The following HSD17B11 variants were observed in gnomAD, a reference collection of about 807,000 sequenced individuals.
The protein encoded by HSD17B11 is hydroxysteroid 17-beta dehydrogenase 11.
HSD17B11 carries 22 observed loss-of-function variants against 27.8 expected under a neutral mutation model. That is an observed-to-expected ratio of 0.79 (90% CI 0.56 to 1.13). The LOEUF is 1.13. Among genes scored for constraint, HSD17B11 ranks in the 50% most tolerant of loss-of-function variants. The probability of loss-of-function intolerance (pLI) is 0.00; values close to 1 mark genes in which losing one functional copy is unlikely to be tolerated. For synonymous variants in HSD17B11, 117 were observed against 132.8 expected, an observed-to-expected ratio of 0.88 and a Z score of 0.82; for missense variants, 314 against 351.1, an observed-to-expected ratio of 0.89 and a Z score of 0.84.
chr4:87,338,195 C>T (rs1460323135), intron 6 of HSD17B11, among the ~76,000 whole-genome samples: 4 of 152,080 alleles, frequency 2.6e-5, no homozygotes, highest in Admixed American at 6.5e-5. Context: ...CCAGCCTGGG[C>T]GACAGAGCGA....
chr4:87,373,189 A>C, intron 3 of HSD17B11: 1 of 173,634 alleles, frequency 5.8e-6, no homozygotes, highest in Admixed American at 6.1e-5. Flanking sequence ...AAAATGCAAA[A>C]ATTAGCTGGT....
At chr4:87,354,677 T>C (rs1166008672) in intron 5 of HSD17B11, among the ~76,000 whole-genome samples, 3 of 149,976 alleles carry the variant, frequency 2.0e-5, no homozygotes, top group Non-Finnish European at 3.0e-5. Context: ...AGGAAAAAAA[T>C]TAGAATCTTC....
intron 1 of HSD17B11, among the ~76,000 whole-genome samples, chr4:87,386,277 A>C (rs1010704313): frequency 8.9e-4 from 135 of 150,988 alleles, no homozygotes; most frequent in Non-Finnish European, 5.6e-4. Context: ...ATCTTAGCTC[A>C]CTGTAGCCTC....
chr4:87,341,462 G>A (rs985593444), intron 5 of HSD17B11, among the ~76,000 whole-genome samples: 1 of 152,096 alleles, frequency 6.6e-6, no homozygotes, highest in Non-Finnish European at 1.5e-5. Flanking sequence ...AGGAGCCACT[G>A]CAATTAGGTT....
intron 3 of HSD17B11, among the ~76,000 whole-genome samples, chr4:87,374,099 C>T (rs1227975141): frequency 5.9e-5 from 9 of 152,194 alleles, no homozygotes; most frequent in African/African-American, 1.9e-4. Context: ...CTGAGGCAGG[C>T]GGATCACTTG....
intron 1 of HSD17B11, among the ~76,000 whole-genome samples, chr4:87,389,454 C>G (rs372380077): frequency 6.6e-5 from 10 of 152,114 alleles, no homozygotes; most frequent in African/African-American, 2.4e-4. Context: ...GAACTCCTGA[C>G]CTCAGGTCAT....
At chr4:87,364,141 T>G (rs572622921) in intron 4 of HSD17B11, among the ~76,000 whole-genome samples, 5 of 147,514 alleles carry the variant, frequency 3.4e-5, no homozygotes, top group African/African-American at 1.3e-4. Flanking sequence ...ATTATTTTTG[T>G]TTTTTTGTTT....
chr4:87,369,721 C>A (rs1699821056), intron 4 of HSD17B11, among the ~76,000 whole-genome samples: 1 of 152,050 alleles, frequency 6.6e-6, no homozygotes, highest in African/African-American at 2.4e-5. Context: ...CAGGTGTCAG[C>A]CACCATGCCT....
At chr4:87,358,626 T>G (rs1735438050) in intron 4 of HSD17B11, among the ~76,000 whole-genome samples, 1 of 152,144 alleles carries the variant, frequency 6.6e-6, no homozygotes, top group Admixed American at 6.5e-5. Context: ...ATGTAAAACA[T>G]GTCATTTTAA....
rs548571288 is a variant in HSD17B11 at position 87,384,811 on chromosome 4, T to A, written c.211-2449A>T. Among the ~76,000 whole-genome samples the A allele has an allele frequency of 6.1e-5, 9 of 148,148 alleles. No individual in the cohort carries two copies. The East Asian group carries it at 1.7e-3, about 29-fold the overall frequency. ...ACTGAACATAGACCCTTATCAGTAG[T>A]TCTGCTTTTTGCCCTTTGAAGCATG... On this transcript the variant is annotated intron_variant, in intron 1 of 6. Coordinates refer to ENST00000358290, the MANE Select transcript of HSD17B11 (RefSeq NM_016245.5).
At chr4:87,344,512 G>A (rs1194943646) in intron 5 of HSD17B11, among the ~76,000 whole-genome samples, 1 of 152,194 alleles carries the variant, frequency 6.6e-6, no homozygotes, top group South Asian at 2.1e-4. Flanking sequence ...AAACCTGTCA[G>A]AATTAAAGGG....
chr4:87,357,948 A>ATTTTTTTTTTTTTTTTTTTTTT (rs748955521), intron 4 of HSD17B11, among the ~76,000 whole-genome samples: 5 of 97,314 alleles, frequency 5.1e-5, no homozygotes, highest in African/African-American at 1.3e-4. Flanking sequence ...TCATTAGAGA[A>ATTTTTTTTTTTTTTTTTTTTTT]ATTTTTTTTT....
intron 6 of HSD17B11, among the ~76,000 whole-genome samples, chr4:87,340,036 C>T (rs1385036195): frequency 1.3e-5 from 2 of 152,078 alleles, no homozygotes; most frequent in East Asian, 3.8e-4. Context: ...AGAAGCAAGA[C>T]TCAAGGATTT....
At chr4:87,341,625 C>A (rs1277133501) in intron 5 of HSD17B11, among the ~76,000 whole-genome samples, 1 of 152,130 alleles carries the variant, frequency 6.6e-6, no homozygotes, top group Non-Finnish European at 1.5e-5. Context: ...CTTTGGGAGG[C>A]TGAGGCGGGT....
At chr4:87,378,924 ATATAAATATATATATATATATATT>A (rs1374278032) in intron 2 of HSD17B11, among the ~76,000 whole-genome samples, 7 of 6,376 alleles carry the variant, frequency 1.1e-3, no homozygotes, top group Admixed American at 2.8e-3. Context: ...ATATAAATAT[ATATAAATATATATATATATATATT>A]TATATATATA....
intron 2 of HSD17B11, among the ~76,000 whole-genome samples, chr4:87,378,471 T>A (rs1035980024): frequency 6.6e-6 from 1 of 152,072 alleles, no homozygotes; most frequent in Admixed American, 6.6e-5. Flanking sequence ...CATTTACCCT[T>A]TGTGTTACAA....
intron 4 of HSD17B11, among the ~76,000 whole-genome samples, chr4:87,364,722 G>GGGATCCA (rs1330986542): frequency 6.6e-6 from 1 of 152,300 alleles, no homozygotes; most frequent in South Asian, 2.1e-4. Flanking sequence ...CCTCCTTTTG[G>GGGATCCA]GGATCCAGGA....
chr4:87,354,816 T>A (rs1735351017), intron 5 of HSD17B11, among the ~76,000 whole-genome samples: 1 of 151,600 alleles, frequency 6.6e-6, no homozygotes, highest in Non-Finnish European at 1.5e-5. Context: ...GAATAAAACT[T>A]AAAAATTGAA....
At chr4:87,385,133 G>C (rs1235063818) in intron 1 of HSD17B11, among the ~76,000 whole-genome samples, 1 of 152,064 alleles carries the variant, frequency 6.6e-6, no homozygotes, top group African/African-American at 2.4e-5. Flanking sequence ...TTCCTCAAGG[G>C]ACATCAACAT....
Sources: gnomAD v4.1 joint callset for allele counts (sites outside exome capture counted in the v4.1 genomes callset) on GRCh38, gnomAD v4.1.1 for gene constraint, MANE v1.5 for transcripts, NCBI Gene and HGNC (gene_info 2026-07-23, HGNC 2026-07-21) for gene names.